PRPF8: variants seen among roughly 807,000 people sequenced by gnomAD.
The protein encoded by PRPF8 is pre-mRNA-processing-splicing factor 8.
PRPF8 carries 64 observed loss-of-function variants against 285.9 expected under a neutral mutation model. The ratio of observed to expected loss-of-function variants is 0.22; its 90% CI spans 0.18 to 0.28. PRPF8 has a LOEUF of 0.28. Among genes scored for constraint, PRPF8 ranks in the 10% least tolerant of loss-of-function variants. The pLI is 1.00. For missense variants in PRPF8, 1,426 were observed against 3,026.7 expected, an observed-to-expected ratio of 0.47 and a Z score of 12.41; for synonymous variants, 1,325 against 1,118.2, an observed-to-expected ratio of 1.18 and a Z score of -3.69.
At chr17:1,680,642 T>A (rs1382284159) in intron 8 of PRPF8, 84 bp downstream of exon 8, 14 of 1,254,458 alleles carry the variant, frequency 1.1e-5, no homozygotes, top group Middle Eastern at 4.5e-4. Flanking sequence ...CACATCTCCC[T>A]CCACCTGAGC....
chr17:1,670,112 A>G (rs1912222191), intron 24 of PRPF8, among the ~76,000 whole-genome samples: 1 of 147,528 alleles, frequency 6.8e-6, no homozygotes, highest in South Asian at 2.2e-4. Context: ...AAGAGGCACC[A>G]CTAAGGGAGC....
rs750877032 is a variant in PRPF8, at chr17:1,656,431, GTT to G, written c.5752_5753del (p.Asn1918ProfsTer3). 1 of 1,614,196 alleles carries G rather than the reference GTT, an allele frequency of 6.2e-7. No homozygotes were observed. The highest frequency in any genetic ancestry group is 8.5e-7 in the Non-Finnish European group (1 of 1,180,052). ...TAGTCTTGAGCCAGTCGTCATAGAG[GTT>G]GAAGAGAACCATCTGGGGCTCAGTG... ...KATEPQMVLF[N>X]LYDDWLKTIS... On this transcript the variant is annotated frameshift_variant, in exon 36 of 43. Transcript: ENST00000304992. LOFTEE classifies it high-confidence loss of function.
In PRPF8 at chr17:1,661,268, T is replaced by A; in HGVS notation, c.4338+3A>T. Reference sequence around the variant, plus strand: ...TCAGGGAAAATCTGCTCCCTCTACATACCTGATACTGCTTAAAGTCAGTTC... The same window carrying A: ...TCAGGGAAAATCTGCTCCCTCTACAAACCTGATACTGCTTAAAGTCAGTTC... On this transcript the variant is annotated splice_donor_region_variant and intron_variant, in intron 27 of 42. Coordinates refer to ENST00000304992, the MANE Select transcript of PRPF8 (RefSeq NM_006445.4). The surrounding 1 kb of genome is among the most constrained non-coding windows in gnomAD (Gnocchi z 7.3). The A allele has an allele frequency of 6.2e-7, 1 of 1,614,168 alleles. No individual in the cohort carries two copies. The highest frequency in any genetic ancestry group is 8.5e-7 in the Non-Finnish European group (1 of 1,180,038).
rs373366497 is a variant in PRPF8 at position 1,653,435 on chromosome 17, A to G, written c.6369+107T>C. On this transcript the variant is annotated intron_variant, in intron 39 of 42. Coordinates refer to ENST00000304992, the MANE Select transcript of PRPF8 (RefSeq NM_006445.4). This position sits in a 1 kb window ranked among gnomAD's most constrained non-coding sequence, Gnocchi z 4.9. ...GCTATCCTTGTATAATTACTCATCC[A>G]TGAATCTTGAAACCAGCATCTCAAG... 16 of 1,488,802 alleles carry G rather than the reference A, an allele frequency of 1.1e-5. No homozygotes were observed. The East Asian group carries it at 1.6e-4, about 15-fold the overall frequency. The allele number at this position is 1,488,802 out of a possible 1,614,324, so 92.2% of individuals were successfully genotyped here.
rs1276548198 is a variant in PRPF8 at position 1,679,464 on chromosome 17, T to C, written c.1290-54A>G. The C allele has an allele frequency of 1.2e-6, 2 of 1,610,398 alleles. No individual in the cohort carries two copies. Among genetic ancestry groups the C allele is most frequent in the Admixed American group, 1.7e-5 (1 of 59,822 alleles). ...CCATCTCTTCTTCCAGACACTCTGC[T>C]AAAGGCTGCAAGCCTTGGGTTGTCT... On this transcript the variant is annotated intron_variant, in intron 9 of 42. Coordinates refer to ENST00000304992, the MANE Select transcript of PRPF8 (RefSeq NM_006445.4). This position sits in a 1 kb window ranked among gnomAD's most constrained non-coding sequence, Gnocchi z 4.7.
At position 1,673,690 on chromosome 17, in the gene PRPF8, T is replaced by C. The variant is rs1197375691; in HGVS notation, c.3446+56A>G. The C allele has an allele frequency of 5.0e-6, 8 of 1,612,704 alleles. No homozygotes were observed. Among genetic ancestry groups the C allele is most frequent in the Non-Finnish European group, 6.8e-6 (8 of 1,179,648 alleles). On this transcript the variant is annotated intron_variant, in intron 22 of 42. Transcript: ENST00000304992. The surrounding 1 kb of genome is among the most constrained non-coding windows in gnomAD (Gnocchi z 5.5). Reference sequence around the variant, plus strand: ...CCAGGACGCAGCCTCAGGTATGCCCTCTCTGGGCCCTTAGCTTATGTCCTT... The same window carrying C: ...CCAGGACGCAGCCTCAGGTATGCCCCCTCTGGGCCCTTAGCTTATGTCCTT...
intron 24 of PRPF8, among the ~76,000 whole-genome samples, chr17:1,669,524 G>C (rs1177460227): frequency 6.6e-6 from 1 of 152,144 alleles, no homozygotes; most frequent in Non-Finnish European, 1.5e-5. Context: ...GGTGGCATCT[G>C]ATGTCCTTCC....
At chr17:1,671,854 A>C (rs1398250791) in intron 24 of PRPF8, among the ~76,000 whole-genome samples, 1 of 149,748 alleles carries the variant, frequency 6.7e-6, no homozygotes, top group African/African-American at 2.5e-5. Flanking sequence ...CCATCTCAAA[A>C]AAAAAAAAAA....
chr17:1,675,415 C>A lies in PRPF8; in HGVS notation c.2873-76G>T. The A allele has an allele frequency of 4.6e-6, 7 of 1,531,244 alleles. No individual in the cohort carries two copies. The highest frequency in any genetic ancestry group is 6.3e-6 in the Non-Finnish European group (7 of 1,107,510). The allele number at this position is 1,531,244 out of a possible 1,614,324, so 94.9% of individuals were successfully genotyped here. A position where few individuals can be genotyped will look rare whatever the true frequency, so the allele number is the denominator to read the frequency against. On this transcript the variant is annotated intron_variant, in intron 19 of 42. Coordinates refer to ENST00000304992, the MANE Select transcript of PRPF8 (RefSeq NM_006445.4). This position sits in a 1 kb window ranked among gnomAD's most constrained non-coding sequence, Gnocchi z 6.0. ...ACTAGCCCCACAGGAACTATCATTA[C>A]CTTCCATAACCAATCCCACTATGAT...
In PRPF8 at chr17:1,676,652, A is replaced by C; in HGVS notation, c.2241T>G (p.Ala747=). The C allele has an allele frequency of 6.2e-7, 1 of 1,614,172 alleles. No homozygotes were observed. The highest frequency in any genetic ancestry group is 8.5e-7 in the Non-Finnish European group (1 of 1,180,028). Residue 747 remains alanine, a synonymous_variant, in exon 16 of 43, where the codon GCT becomes GCG. Transcript: ENST00000304992. This position sits in a 1 kb window ranked among gnomAD's most constrained non-coding sequence, Gnocchi z 6.3. The part of the protein sequence containing the change: ...NMILRYVKAK[A]DWWTNTAHYN... Reference sequence around the variant, plus strand: ...AGTGGGCAGTGTTGGTCCACCAGTCAGCCTTGGCCTTCACGTATCGAAGGA... The same window carrying C: ...AGTGGGCAGTGTTGGTCCACCAGTCCGCCTTGGCCTTCACGTATCGAAGGA...
At position 1,675,554 on chromosome 17, in the gene PRPF8, G is replaced by A. The variant is rs1912566067; in HGVS notation, c.2872+66C>T. ...AGTAAACCAATCATGCTACCCAGAT[G>A]AGATTTTTGACGTAGAACTAAATTC... On this transcript the variant is annotated intron_variant, in intron 19 of 42. Coordinates refer to ENST00000304992, the MANE Select transcript of PRPF8 (RefSeq NM_006445.4). The surrounding 1 kb of genome is among the most constrained non-coding windows in gnomAD (Gnocchi z 6.0). The A allele has an allele frequency of 3.1e-6, 5 of 1,594,176 alleles. No individual in the cohort carries two copies. The highest frequency in any genetic ancestry group is 1.1e-5 in the South Asian group (1 of 90,692).
chr17:1,656,919 G>A (rs1469470748), intron 34 of PRPF8, among the ~76,000 whole-genome samples, 158 bp from the exon 35 acceptor site: 4 of 152,186 alleles, frequency 2.6e-5, no homozygotes, highest in South Asian at 2.1e-4. Flanking sequence ...TCAAATGGCC[G>A]TGTCCAATGA....
At chr17:1,683,206 A>T (rs1913034164) in intron 3 of PRPF8, 1 of 373,380 alleles carries the variant, frequency 2.7e-6, no homozygotes, top group East Asian at 6.5e-5. Flanking sequence ...CGTGTTAGCC[A>T]GGATGGTCTC....
rs1179577099 is a variant in PRPF8 at position 1,679,611 on chromosome 17, G to A, written c.1287C>T (p.Asn429=). The part of the protein sequence containing the change: ...RRALDIPLVK[N]WYREHCPAGQ... The stretch of plus-strand genomic sequence containing the variant: ...CCTGCCACAGGGAAAAACCTTACCA[G>A]TTCTTGACAAGGGGTATGTCCAGGG... Residue 429 remains asparagine, a splice_region_variant and synonymous_variant, in exon 9 of 43, where the codon AAC becomes AAT. Transcript: ENST00000304992. The surrounding 1 kb of genome is among the most constrained non-coding windows in gnomAD (Gnocchi z 4.7). 2 of 1,613,324 alleles carry A rather than the reference G, an allele frequency of 1.2e-6. No homozygotes were observed. The highest frequency in any genetic ancestry group is 8.5e-7 in the Non-Finnish European group (1 of 1,179,938).
rs755151774 is a variant in PRPF8 at position 1,651,332 on chromosome 17, A to G, written c.6651-22T>C. The G allele has an allele frequency of 6.2e-7, 1 of 1,614,082 alleles. No individual in the cohort carries two copies. The highest frequency in any genetic ancestry group is 1.1e-5 in the South Asian group (1 of 91,086). On this transcript the variant is annotated intron_variant, in intron 41 of 42. Coordinates refer to ENST00000304992, the MANE Select transcript of PRPF8 (RefSeq NM_006445.4). The surrounding 1 kb of genome is among the most constrained non-coding windows in gnomAD (Gnocchi z 5.1). ...GAAGCTGGGGGAGGAACGAGGACAG[A>G]GTAACAGCTCAGGCCACTGTTCTGG...
Position 1,679,882 on chromosome 17 carries a change from C to T in PRPF8, c.1099-83G>A. 2.0e-6 allele frequency: 3 copies of T among 1,510,522 alleles called. No individual in the cohort carries two copies. The highest frequency in any genetic ancestry group is 1.8e-6 in the Non-Finnish European group (2 of 1,085,906). The allele number at this position is 1,510,522 out of a possible 1,614,324, so 93.6% of individuals were successfully genotyped here. A position where few individuals can be genotyped will look rare whatever the true frequency, so the allele number is the denominator to read the frequency against. On this transcript the variant is annotated intron_variant, in intron 8 of 42. Transcript: ENST00000304992. This position sits in a 1 kb window ranked among gnomAD's most constrained non-coding sequence, Gnocchi z 4.7. ...ATGAGGGAAATTCTCTGGGGCCAAG[C>T]ACAAAGCCTGTATCTGCTATGGAAA...
chr17:1,680,661 A>C, intron 8 of PRPF8, 65 bp downstream of exon 8: 1 of 1,447,392 alleles, frequency 6.9e-7, no homozygotes, highest in African/African-American at 1.4e-5. Flanking sequence ...GCGTTTAGTA[A>C]CATCAGCCAA....
chr17:1,683,387 T>G, intron 3 of PRPF8, 146 bp downstream of exon 3: 1 of 883,006 alleles, frequency 1.1e-6, no homozygotes, highest in Non-Finnish European at 1.9e-6. Context: ...GTGGAAGATG[T>G]AGAAATTATC....
intron 24 of PRPF8, among the ~76,000 whole-genome samples, chr17:1,663,918 C>T (rs930104849): frequency 3.3e-5 from 5 of 151,924 alleles, no homozygotes; most frequent in Non-Finnish European, 7.4e-5. Context: ...ATATTTGATA[C>T]GATAAAGTAG....
Sources: gnomAD v4.1 joint callset for allele counts (sites outside exome capture counted in the v4.1 genomes callset) on GRCh38, gnomAD v4.1.1 for gene constraint, Gnocchi (gnomAD v3.1) non-coding constraint, MANE v1.5 for transcripts, NCBI Gene and HGNC (gene_info 2026-07-23, HGNC 2026-07-21) for gene names.